Variants in IL23R observed in about 807,000 individuals in gnomAD.
The protein encoded by IL23R is interleukin-23 receptor.
A neutral mutation model predicts 56.9 loss-of-function variants in IL23R; 34 were observed. The observed-to-expected ratio is 0.60, with a 90% CI of 0.45 to 0.80. The LOEUF (loss-of-function observed/expected upper bound fraction) is 0.80. IL23R is among the 30% of genes least tolerant of loss of function. The probability of loss-of-function intolerance (pLI) is 0.00; values close to 1 mark genes in which losing one functional copy is unlikely to be tolerated. For missense variants in IL23R, 635 were observed against 730.0 expected, an observed-to-expected ratio of 0.87 and a Z score of 1.50; for synonymous variants, 230 against 249.2, an observed-to-expected ratio of 0.92 and a Z score of 0.73.
At chr1:67,245,189 T>G (rs1652134337) in intron 9 of IL23R, among the ~76,000 whole-genome samples, 1 of 152,244 alleles carries the variant, frequency 6.6e-6, no homozygotes, top group Non-Finnish European at 1.5e-5. Context: ...CTGAAGTTGC[T>G]TATCAGTGTG....
In IL23R at chr1:67,219,695, G is replaced by T; in HGVS notation, c.920G>T (p.Trp307Leu). The T allele has an allele frequency of 6.2e-7, 1 of 1,613,998 alleles. No individual in the cohort carries two copies. The highest frequency in any genetic ancestry group is 8.5e-7 in the Non-Finnish European group (1 of 1,179,882). Reference protein sequence around the residue: ...QETGKRYWQPWSSLFFHKTPE... With the variant: ...QETGKRYWQPLSSLFFHKTPE... Reference sequence around the variant, plus strand: ...ACAGGCAAAAGGTACTGGCAGCCTTGGAGTTCACTGTTTTTTCATAAAACA... The same window carrying T: ...ACAGGCAAAAGGTACTGGCAGCCTTTGAGTTCACTGTTTTTTCATAAAACA... The change falls in exon 7 of 11, where the codon TGG becomes TTG. Residue 307 changes from tryptophan (W) to leucine (L), a missense_variant. Transcript: ENST00000347310.
intron 3 of IL23R, among the ~76,000 whole-genome samples, chr1:67,177,257 C>G (rs1275192865): frequency 6.6e-6 from 1 of 152,184 alleles, no homozygotes; most frequent in African/African-American, 2.4e-5. Context: ...GTTCCTATTT[C>G]TCCACATCCT....
intron 1 of IL23R, among the ~76,000 whole-genome samples, chr1:67,152,715 C>A (rs1216506181): frequency 6.6e-6 from 1 of 150,698 alleles, no homozygotes; most frequent in Non-Finnish European, 1.5e-5. Flanking sequence ...TCATGTGGTT[C>A]TTTTCATTGG....
At chr1:67,254,072 T>C (rs1318656616) in intron 9 of IL23R, among the ~76,000 whole-genome samples, 7 of 151,940 alleles carry the variant, frequency 4.6e-5, no homozygotes, top group African/African-American at 7.2e-5. Flanking sequence ...ATTTATTTAT[T>C]TATTATTATT....
At chr1:67,220,438 T>C (rs886911530) in intron 7 of IL23R, among the ~76,000 whole-genome samples, 2 of 152,052 alleles carry the variant, frequency 1.3e-5, no homozygotes, top group Admixed American at 1.3e-4. Flanking sequence ...AAGATATTTT[T>C]TTTCTCTTTA....
At position 67,168,027 on chromosome 1, in the gene IL23R, T is replaced by A. The variant is rs1196989291; in HGVS notation, c.-29-65T>A. 9.9e-6 allele frequency: 9 copies of A among 911,906 alleles called. No individual in the cohort carries two copies. In the Admixed American group the frequency reaches 1.4e-4, roughly 14 times the overall value. The allele number at this position is 911,906 out of a possible 1,614,324, so 56.5% of individuals were successfully genotyped here. On this transcript the variant is annotated intron_variant, in intron 1 of 10. Transcript: ENST00000347310. ...AAATACAATAATTCTTAGGGAAAAATGTTATGCTTTTTATTATTTTACTAA... is the reference window on the plus strand; with the variant it reads ...AAATACAATAATTCTTAGGGAAAAAAGTTATGCTTTTTATTATTTTACTAA...
At chr1:67,257,507 G>A (rs1653014260) in intron 10 of IL23R, among the ~76,000 whole-genome samples, 1 of 152,088 alleles carries the variant, frequency 6.6e-6, no homozygotes. Flanking sequence ...TGGGGAGAGG[G>A]CACACAAACG....
chr1:67,182,693 T>G (rs1444958808), intron 3 of IL23R, 143 bp from the exon 4 acceptor site: 2 of 849,490 alleles, frequency 2.4e-6, no homozygotes, highest in Non-Finnish European at 3.9e-6. Flanking sequence ...GTACCTCAGT[T>G]GGAAATGAAG....
chr1:67,264,339 A>C (rs987941843), downstream of IL23R, among the ~76,000 whole-genome samples: 12 of 152,254 alleles, frequency 7.9e-5, no homozygotes, highest in Non-Finnish European at 1.6e-4. Context: ...TGTGAACATA[A>C]TTAGATTTTA....
intron 6 of IL23R, among the ~76,000 whole-genome samples, chr1:67,208,261 A>G (rs183588799): frequency 6.2e-4 from 94 of 152,330 alleles, no homozygotes; most frequent in African/African-American, 2.1e-3. Context: ...AATAGAAAAG[A>G]AAAACCCATT....
chr1:67,241,488 T>TA (rs538656454), intron 9 of IL23R, among the ~76,000 whole-genome samples: 117 of 150,764 alleles, frequency 7.8e-4, no homozygotes, highest in African/African-American at 1.4e-3. Context: ...AATTTCGTTT[T>TA]AAAAAAAAAA....
rs1236364079 is a variant in IL23R at position 67,247,732 on chromosome 1, T to C, written c.1148+7451T>C. 2.0e-5 allele frequency among the ~76,000 whole-genome samples: 3 copies of C among 152,232 alleles called. No individual in the cohort carries two copies. The East Asian group carries it at 5.8e-4, about 29-fold the overall frequency. ...AGTGTTAATGGTCTTTACAATTTGG[T>C]ATGTTTTTGCAGTGGCTGGTACTGG... On this transcript the variant is annotated intron_variant, in intron 9 of 10. Coordinates refer to ENST00000347310, the MANE Select transcript of IL23R (RefSeq NM_144701.3).
intron 6 of IL23R, among the ~76,000 whole-genome samples, chr1:67,218,354 G>GTATA (rs776016660): frequency 0.28 from 35,401 of 127,080 alleles, 4,796 homozygotes; most frequent in East Asian, 0.5. Context: ...GTGTGTGTGT[G>GTATA]TGTGTATATA....
In IL23R at chr1:67,150,272, A is replaced by G. The variant is rs1399021440; in HGVS notation, c.-634+11111A>G. ...ACTTTTTTTTTTTTTTTTTTTTTTTACTTTAAGTTCCAGGATAAATGTGCA... is the reference window on the plus strand; with the variant it reads ...ACTTTTTTTTTTTTTTTTTTTTTTTGCTTTAAGTTCCAGGATAAATGTGCA... On this transcript the variant is annotated intron_variant, in intron 1 of 10. Transcript: ENST00000637002. Among the ~76,000 whole-genome samples, 6 of 30,874 alleles carry G rather than the reference A, an allele frequency of 1.9e-4. No individual in the cohort carries two copies. In the South Asian group the frequency reaches 8.2e-3, roughly 42 times the overall value. The allele number at this position is 30,874 out of a possible 152,430, so 20.3% of individuals were successfully genotyped here.
chr1:67,212,025 C>T (rs947933678), intron 6 of IL23R, among the ~76,000 whole-genome samples: 1 of 152,116 alleles, frequency 6.6e-6, no homozygotes, highest in African/African-American at 2.4e-5. Flanking sequence ...TAACTAAGTG[C>T]CTCTCACAGA....
downstream of IL23R, among the ~76,000 whole-genome samples, chr1:67,263,101 G>A (rs1363338052): frequency 1.5e-5 from 2 of 137,374 alleles, no homozygotes; most frequent in Non-Finnish European, 3.0e-5. Context: ...TGTTTAATTG[G>A]AATTTCTTTC....
At chr1:67,262,527 T>G (rs1653227168), downstream of IL23R, among the ~76,000 whole-genome samples, 1 of 152,154 alleles carries the variant, frequency 6.6e-6, no homozygotes, top group South Asian at 2.1e-4. Context: ...TGACAAATCC[T>G]TCTATAGAGA....
intron 7 of IL23R, among the ~76,000 whole-genome samples, chr1:67,231,542 A>T (rs1041089980): frequency 6.6e-6 from 1 of 152,130 alleles, no homozygotes; most frequent in Non-Finnish European, 1.5e-5. Flanking sequence ...AACTCCATCT[A>T]GTAGAGCCAG....
Position 67,226,379 on chromosome 1 carries a change from C to A in IL23R, c.955+6649C>A, listed in dbSNP as rs74082814. ...ATTGAGTGGTGGAGGTGGCTCTTAG[C>A]GGGATAGATAGGGAGCTGGAAGGGG... On this transcript the variant is annotated intron_variant, in intron 7 of 10. Coordinates refer to ENST00000347310, the MANE Select transcript of IL23R (RefSeq NM_144701.3). 2.4e-3 allele frequency among the ~76,000 whole-genome samples: 360 copies of A among 152,200 alleles called. 2 individuals carry two copies. Among genetic ancestry groups the A allele is most frequent in the African/African-American group, 8.4e-3 (351 of 41,546 alleles).
Sources: gnomAD v4.1 joint callset for allele counts (sites outside exome capture counted in the v4.1 genomes callset) on GRCh38, gnomAD v4.1.1 for gene constraint, MANE v1.5 for transcripts, NCBI Gene and HGNC (gene_info 2026-07-23, HGNC 2026-07-21) for gene names.